The following MYO16 variants were observed in gnomAD, a reference collection of about 807,000 sequenced individuals.
MYO16 encodes the protein myosin XVI, also known as unconventional myosin-XVI.
Under a neutral mutation model 205.3 loss-of-function variants are expected in MYO16, and 94 were observed. The ratio of observed to expected loss-of-function variants is 0.46; its 90% CI spans 0.39 to 0.54. MYO16 has a LOEUF of 0.54. Ranked by LOEUF, MYO16 falls within the 20% of genes least tolerant of loss-of-function variation. MYO16 has a pLI of 0.00. For synonymous variants in MYO16, 988 were observed against 954.0 expected (o/e 1.04, Z -0.66); for missense variants, 2,315 against 2,387.5 (o/e 0.97, Z 0.63).
the MYO16 span, among the ~76,000 whole-genome samples, chr13:108,516,966 T>C: frequency 6.6e-6 from 1 of 151,242 alleles, no homozygotes; most frequent in South Asian, 2.1e-4. Flanking sequence ...GGTCTCACTC[T>C]GTTTCCCAGG....
intron 4 of MYO16, among the ~76,000 whole-genome samples, chr13:108,769,873 C>T (rs1885905337): frequency 6.6e-6 from 1 of 151,960 alleles, no homozygotes; most frequent in South Asian, 2.1e-4. Context: ...TATTAAGCAC[C>T]CTAATAATTT....
chr13:109,085,053 G>A (rs12429647), intron 27 of MYO16, among the ~76,000 whole-genome samples: 12,907 of 152,200 alleles, frequency 0.085, 596 homozygotes, highest in Non-Finnish European at 0.1. Flanking sequence ...CAGAAGTGCA[G>A]CACTGAGGGA....
chr13:108,735,827 T>C (rs1451500795), intron 4 of MYO16, among the ~76,000 whole-genome samples: 2 of 151,864 alleles, frequency 1.3e-5, no homozygotes, highest in East Asian at 1.9e-4. Flanking sequence ...TTTTTAATGA[T>C]CACCATTCTA....
chr13:108,732,954 G>A (rs998940106), intron 4 of MYO16, among the ~76,000 whole-genome samples: 6 of 152,138 alleles, frequency 3.9e-5, no homozygotes, highest in Non-Finnish European at 5.9e-5. Flanking sequence ...AAAAGTTGAC[G>A]TTGTAATTTT....
At chr13:108,915,679 C>T (rs978799445) in intron 16 of MYO16, among the ~76,000 whole-genome samples, 2 of 152,062 alleles carry the variant, frequency 1.3e-5, no homozygotes, top group African/African-American at 4.8e-5. Flanking sequence ...TGGGTTTAGT[C>T]CCAGAAAAGC....
At chr13:108,626,771 C>T (rs1879752843), upstream of MYO16, among the ~76,000 whole-genome samples, 1 of 151,384 alleles carries the variant, frequency 6.6e-6, no homozygotes, top group Non-Finnish European at 1.5e-5. Flanking sequence ...CGCCATTGCA[C>T]TGCAGCCTGG....
At chr13:108,714,598 G>GTGTC (rs759001893) in intron 3 of MYO16, among the ~76,000 whole-genome samples, 11 of 144,044 alleles carry the variant, frequency 7.6e-5, no homozygotes, top group Middle Eastern at 6.9e-3. Context: ...GTGTCTGTGT[G>GTGTC]TGTGTGTGTG....
intron 23 of MYO16, among the ~76,000 whole-genome samples, chr13:109,044,958 G>T (rs1886992640): frequency 1.3e-5 from 2 of 152,130 alleles, no homozygotes; most frequent in Non-Finnish European, 2.9e-5. Flanking sequence ...AAAGTGCTGG[G>T]ATTACAAGCG....
chr13:109,007,437 A>G (rs962030949), intron 21 of MYO16, among the ~76,000 whole-genome samples: 34 of 152,060 alleles, frequency 2.2e-4, no homozygotes, highest in Admixed American at 2.0e-3. Flanking sequence ...GATGACTTCT[A>G]CAAAAGCAAG....
At chr13:108,574,719 G>GT in the MYO16 span, among the ~76,000 whole-genome samples, 4,969 of 150,132 alleles carry the variant, frequency 0.033, 257 homozygotes, top group African/African-American at 0.11. Flanking sequence ...GCGCTTGTGT[G>GT]TATTTGTATA....
chr13:108,747,324 TAAC>T (rs1885097484), intron 4 of MYO16, among the ~76,000 whole-genome samples: 2 of 152,130 alleles, frequency 1.3e-5, no homozygotes, highest in Non-Finnish European at 2.9e-5. Context: ...AAAGTAATGA[TAAC>T]AATATATTGG....
chr13:108,891,358 C>G (rs564736908), intron 14 of MYO16, among the ~76,000 whole-genome samples: 30 of 152,204 alleles, frequency 2.0e-4, no homozygotes, highest in Admixed American at 1.8e-3. Flanking sequence ...GTTTTTCATT[C>G]CAGTGTAGGG....
At chr13:108,567,289 T>A in the MYO16 span, among the ~76,000 whole-genome samples, 2 of 152,104 alleles carry the variant, frequency 1.3e-5, no homozygotes, top group Non-Finnish European at 2.9e-5. Context: ...GATGACTGGT[T>A]ATGAAGGGAG....
At chr13:109,077,999 C>G (rs994371957) in intron 27 of MYO16, among the ~76,000 whole-genome samples, 1 of 152,070 alleles carries the variant, frequency 6.6e-6, no homozygotes, top group Non-Finnish European at 1.5e-5. Context: ...GGAGTAGTTT[C>G]TATTACTATC....
Position 108,820,418 on chromosome 13 carries a change from T to C in MYO16, c.943+6T>C. 6.2e-7 allele frequency: 1 copy of C among 1,600,234 alleles called. No individual in the cohort carries two copies. The highest frequency in any genetic ancestry group is 8.5e-7 in the Non-Finnish European group (1 of 1,172,394). On this transcript the variant is annotated splice_donor_region_variant and intron_variant, in intron 8 of 34. Transcript: ENST00000457511. ...TAATGAGGAGAAGGCGTCAGGTAGGTTAGGAGCATCCTTGGACCATTGAGC... is the reference window on the plus strand; with the variant it reads ...TAATGAGGAGAAGGCGTCAGGTAGGCTAGGAGCATCCTTGGACCATTGAGC...
intron 2 of MYO16, among the ~76,000 whole-genome samples, chr13:108,685,290 G>A (rs1882633011): frequency 6.6e-6 from 1 of 152,072 alleles, no homozygotes; most frequent in Non-Finnish European, 1.5e-5. Flanking sequence ...CAAAGTGCTG[G>A]GATTACAGGT....
rs759105090 is a variant in MYO16, at chr13:109,100,808, T to A, written c.3359T>A (p.Phe1120Tyr). The A allele has an allele frequency of 1.2e-6, 2 of 1,613,630 alleles. No homozygotes were observed. The highest frequency in any genetic ancestry group is 8.5e-7 in the Non-Finnish European group (1 of 1,179,620). ...LSRYKPLADT[F>Y]LREKKEQSAA... is the part of the protein sequence containing the mutation. ...AGGTATAAGCCACTGGCTGATACAT[T>A]CCTGCGTGAGAAGAAGGAACAGTCA... The change falls in exon 28 of 35, where the codon TTC (phenylalanine) becomes TAC (tyrosine). Residue 1120 changes from phenylalanine (F) to tyrosine (Y), a missense_variant. Physicochemically the swap from Phe to Tyr is conservative, Grantham distance 22. This residue lies in a region of MYO16 where 1,097 missense variants were observed against 1,092.0 expected (regional missense o/e 1.00). Coordinates refer to ENST00000457511, the MANE Select transcript of MYO16 (RefSeq NM_001198950.3).
At chr13:109,182,270 C>A (rs1405035280) in intron 34 of MYO16, among the ~76,000 whole-genome samples, 1 of 152,194 alleles carries the variant, frequency 6.6e-6, no homozygotes, top group Non-Finnish European at 1.5e-5. Flanking sequence ...CCCTCTTCCT[C>A]CCCTGCTTTG....
At chr13:109,089,505 G>A (rs530795945) in intron 27 of MYO16, among the ~76,000 whole-genome samples, 68 of 152,172 alleles carry the variant, frequency 4.5e-4, no homozygotes, top group African/African-American at 1.5e-3. Context: ...ATGAGCCACC[G>A]CACCTGGCTG....
Sources: allele counts gnomAD v4.1 joint callset (sites outside exome capture counted in the v4.1 genomes callset), GRCh38; gene constraint gnomAD v4.1.1; regional missense constraint gnomAD v4.1.1; transcripts MANE v1.5; gene names NCBI Gene and HGNC (gene_info 2026-07-23, HGNC 2026-07-21).